CALCR: variants seen among roughly 807,000 people sequenced by gnomAD.
CALCR encodes the protein calcitonin receptor.
A neutral mutation model predicts 59.5 loss-of-function variants in CALCR; 47 were observed. The ratio of observed to expected loss-of-function variants is 0.79; its 90% CI spans 0.63 to 1.01. CALCR has a LOEUF of 1.01. CALCR is among the 50% of genes least tolerant of loss of function. The probability of loss-of-function intolerance (pLI) is 0.00; values close to 1 mark genes in which losing one functional copy is unlikely to be tolerated. For missense variants in CALCR, 566 were observed against 597.1 expected, an observed-to-expected ratio of 0.95 and a Z score of 0.54; for synonymous variants, 213 against 211.3, an observed-to-expected ratio of 1.01 and a Z score of -0.07.
At chr7:93,543,730 T>C (rs1454895710) in intron 2 of CALCR, among the ~76,000 whole-genome samples, 1 of 152,198 alleles carries the variant, frequency 6.6e-6, no homozygotes, top group Non-Finnish European at 1.5e-5. Context: ...TAACTAGTTT[T>C]TTTGGCTAAG....
chr7:93,448,787 T>G (rs1471800574), intron 8 of CALCR, among the ~76,000 whole-genome samples: 1 of 151,980 alleles, frequency 6.6e-6, no homozygotes, highest in Non-Finnish European at 1.5e-5. Context: ...GTCAAACACA[T>G]TCTACTTTAT....
At chr7:93,546,961 A>T (rs1789306994) in intron 2 of CALCR, among the ~76,000 whole-genome samples, 1 of 152,142 alleles carries the variant, frequency 6.6e-6, no homozygotes, top group Non-Finnish European at 1.5e-5. Flanking sequence ...CTTCATTCTC[A>T]TCTTTATCCT....
Position 93,517,304 on chromosome 7 carries a change from C to CTTTTTTTTTTTCTTT in CALCR, c.-26-30298_-26-30297insAAAGAAAAAAAAAAA, listed in dbSNP as rs753908420. On this transcript the variant is annotated intron_variant, in intron 2 of 13. Transcript: ENST00000426151. Reference sequence around the variant, plus strand: ...AAAAAGTCAGAATTTGATTTGAGAACTTTTTTTTTTTAATTTGCTAGCCAT... The same window carrying CTTTTTTTTTTTCTTT: ...AAAAAGTCAGAATTTGATTTGAGAACTTTTTTTTTTTCTTTTTTTTTTTTTTAATTTGCTAGCCAT... Among the ~76,000 whole-genome samples the CTTTTTTTTTTTCTTT allele has an allele frequency of 1.4e-4, 21 of 147,214 alleles. No homozygotes were observed. In the South Asian group the frequency reaches 1.7e-3, roughly 12 times the overall value.
chr7:93,537,030 T>C lies in CALCR; in HGVS notation c.-27+37259A>G, dbSNP rs180675219. On this transcript the variant is annotated intron_variant, in intron 2 of 13. Coordinates refer to ENST00000426151, the MANE Select transcript of CALCR (RefSeq NM_001742.4). ...AAAAATTATAAAGAACATGGATTGGTAAATCTGGATAAAGAACATACAGGA... is the reference window on the plus strand; with the variant it reads ...AAAAATTATAAAGAACATGGATTGGCAAATCTGGATAAAGAACATACAGGA... Among the ~76,000 whole-genome samples the C allele has an allele frequency of 2.5e-4, 38 of 151,830 alleles. No individual in the cohort carries two copies. The East Asian group carries it at 4.6e-3, about 19-fold the overall frequency.
intron 2 of CALCR, among the ~76,000 whole-genome samples, chr7:93,488,582 G>GAAA (rs1554401502): frequency 1.3e-5 from 1 of 78,040 alleles, no homozygotes; most frequent in Non-Finnish European, 2.4e-5. Flanking sequence ...CAAATGGAAA[G>GAAA]AAAAAAAAAA....
At chr7:93,523,734 T>C (rs1801812801) in intron 2 of CALCR, among the ~76,000 whole-genome samples, 1 of 152,174 alleles carries the variant, frequency 6.6e-6, no homozygotes, top group Non-Finnish European at 1.5e-5. Flanking sequence ...GATTTTTTTC[T>C]ATTTTTATAA....
intron 2 of CALCR, among the ~76,000 whole-genome samples, chr7:93,532,272 A>G (rs1405754538): frequency 2.0e-5 from 3 of 152,084 alleles, no homozygotes; most frequent in African/African-American, 7.2e-5. Flanking sequence ...TATCTTCAGT[A>G]TATCTGGTGT....
intron 7 of CALCR, among the ~76,000 whole-genome samples, chr7:93,467,905 C>T (rs1584559312): frequency 6.6e-6 from 1 of 151,500 alleles, no homozygotes; most frequent in South Asian, 2.1e-4. Flanking sequence ...ACCTAATTTA[C>T]TTCAGTTTCT....
At chr7:93,566,623 C>T (rs1298207714) in intron 2 of CALCR, among the ~76,000 whole-genome samples, 3 of 152,130 alleles carry the variant, frequency 2.0e-5, no homozygotes, top group African/African-American at 7.2e-5. Flanking sequence ...TCCAGCTCTG[C>T]CACTCAGAGA....
intron 8 of CALCR, among the ~76,000 whole-genome samples, chr7:93,457,338 C>T (rs767401330): frequency 4.6e-5 from 7 of 152,076 alleles, no homozygotes; most frequent in Non-Finnish European, 8.8e-5. Flanking sequence ...TTGTTATTCT[C>T]ATTAGATGCA....
At chr7:93,450,147 T>C (rs538211890) in intron 8 of CALCR, among the ~76,000 whole-genome samples, 1 of 152,190 alleles carries the variant, frequency 6.6e-6, no homozygotes, top group South Asian at 2.1e-4. Flanking sequence ...CAAAGTTTAC[T>C]GTGGTTCATT....
chr7:93,460,593 G>GTGTATATATATATA (rs1296016997), intron 8 of CALCR, among the ~76,000 whole-genome samples: 21 of 89,360 alleles, frequency 2.4e-4, no homozygotes, highest in African/African-American at 1.1e-3. Context: ...ATATATATAT[G>GTGTATATATATATA]TATATATATA....
At chr7:93,446,275 A>C (rs570650078) in intron 8 of CALCR, among the ~76,000 whole-genome samples, 2 of 152,146 alleles carry the variant, frequency 1.3e-5, no homozygotes, top group Admixed American at 6.6e-5. Context: ...ACCTCATGAA[A>C]ATAATTAGAA....
intron 3 of CALCR, chr7:93,482,697 T>G (rs904362313): frequency 2.0e-6 from 1 of 500,532 alleles, no homozygotes; most frequent in African/African-American, 2.0e-5. Context: ...AGTTTTAACA[T>G]CAGTAACAGT....
At chr7:93,426,700 A>G in intron 13 of CALCR, 111 bp from the exon 14 acceptor site, 1 of 627,304 alleles carries the variant, frequency 1.6e-6, no homozygotes, top group Non-Finnish European at 2.8e-6. Flanking sequence ...TTAAATTGTA[A>G]TTCTGATCTA....
intron 8 of CALCR, among the ~76,000 whole-genome samples, chr7:93,453,354 T>C (rs141860027): frequency 2.0e-3 from 304 of 152,178 alleles, no homozygotes; most frequent in African/African-American, 6.4e-3. Context: ...TTAGGTTAAG[T>C]AACTTACTCA....
chr7:93,544,016 A>G (rs755138991), intron 2 of CALCR, among the ~76,000 whole-genome samples: 2 of 152,032 alleles, frequency 1.3e-5, no homozygotes, highest in Non-Finnish European at 2.9e-5. Context: ...CAAACAAAAT[A>G]AAAAAGCAGA....
At position 93,537,491 on chromosome 7, in the gene CALCR, A is replaced by G. The variant is rs187594652; in HGVS notation, c.-27+36798T>C. Among the ~76,000 whole-genome samples, 428 of 151,932 alleles carry G rather than the reference A, an allele frequency of 2.8e-3. 1 individual carries two copies. The highest frequency in any genetic ancestry group is 9.8e-3 in the African/African-American group (409 of 41,548). On this transcript the variant is annotated intron_variant, in intron 2 of 13. Transcript: ENST00000426151. ...TAGATGTTTTTATTAGTTTAGTTCT[A>G]TAGTATACATTTTCAACTCTTCAAT...
chr7:93,528,279 T>C (rs1328672445), intron 2 of CALCR, among the ~76,000 whole-genome samples: 1 of 152,232 alleles, frequency 6.6e-6, no homozygotes, highest in Non-Finnish European at 1.5e-5. Context: ...CTGAGAAATT[T>C]AAAATTTTTT....
Sources: gnomAD v4.1 joint callset for allele counts (sites outside exome capture counted in the v4.1 genomes callset) on GRCh38, gnomAD v4.1.1 for gene constraint, MANE v1.5 for transcripts, NCBI Gene and HGNC (gene_info 2026-07-23, HGNC 2026-07-21) for gene names.